The following ATP5MC2 variants were observed in gnomAD, a reference collection of about 807,000 sequenced individuals.
The protein encoded by ATP5MC2 is ATP synthase F(0) complex subunit C2, mitochondrial.
ATP5MC2 carries 11 observed loss-of-function variants against 13.5 expected under a neutral mutation model. The observed-to-expected ratio is 0.81, with a 90% CI of 0.51 to 1.35. The LOEUF (loss-of-function observed/expected upper bound fraction) is 1.35. ATP5MC2 is among the 40% of genes most tolerant of loss of function. The pLI is 0.00. For missense variants in ATP5MC2, 132 were observed against 175.0 expected (o/e 0.75, Z 1.39); for synonymous variants, 64 against 69.7 (o/e 0.92, Z 0.41).
At chr12:53,670,159 C>T (rs1292288958) in intron 2 of ATP5MC2, 1 of 597,694 alleles carries the variant, frequency 1.7e-6, no homozygotes, top group Non-Finnish European at 3.1e-6. Context: ...TCAGACTTTG[C>T]TTTAAGGAAA....
chr12:53,679,142 C>A (rs140996379), upstream of ATP5MC2, among the ~76,000 whole-genome samples: 848 of 151,250 alleles, frequency 5.6e-3, 12 homozygotes, highest in African/African-American at 0.02. Context: ...TTTCTTTGGA[C>A]AAGAAACCAT....
upstream of ATP5MC2, among the ~76,000 whole-genome samples, chr12:53,678,569 T>G (rs1382113951): frequency 6.6e-6 from 1 of 152,146 alleles, no homozygotes; most frequent in East Asian, 1.9e-4. Context: ...TGAGTGGAGA[T>G]CTGAGGGGAG....
At chr12:53,669,539 A>C (rs930953340) in intron 3 of ATP5MC2, among the ~76,000 whole-genome samples, 198 bp from the exon 4 acceptor site, 2 of 152,184 alleles carry the variant, frequency 1.3e-5, no homozygotes, top group African/African-American at 4.8e-5. Flanking sequence ...TGTGGTCAAG[A>C]AGTGTAAGAC....
At chr12:53,678,570 C>G (rs1016141835), upstream of ATP5MC2, among the ~76,000 whole-genome samples, 5 of 152,160 alleles carry the variant, frequency 3.3e-5, no homozygotes, top group Non-Finnish European at 7.3e-5. Context: ...GAGTGGAGAT[C>G]TGAGGGGAGG....
chr12:53,675,255 G>C (rs1277130545), intron 1 of ATP5MC2, among the ~76,000 whole-genome samples: 1 of 152,142 alleles, frequency 6.6e-6, no homozygotes, highest in Non-Finnish European at 1.5e-5. Context: ...ATCTGGGGAG[G>C]TTAATTAATC....
upstream of ATP5MC2, chr12:53,676,254 A>C (rs1945271852): frequency 6.3e-7 from 1 of 1,581,964 alleles, no homozygotes. Flanking sequence ...GGCGTTCGAG[A>C]GGAGAAACTA....
Position 53,669,310 on chromosome 12 carries a change from A to G in ATP5MC2, c.149T>C (p.Leu50Pro), listed in dbSNP as rs763981000. 27 of 1,613,854 alleles carry G rather than the reference A, an allele frequency of 1.7e-5. No homozygotes were observed. The Admixed American group carries it at 4.5e-4, about 27-fold the overall frequency. ...SLSSLAVSCP[L>P]TSLVSSRSFQ... ...GCTGCGGCTAGAGACAAGTGAGGTA[A>G]GGGGACATGAGACTGCCAAGCTGCT... The change falls in exon 4 of 5, where the codon CTT (leucine) becomes CCT (proline). Residue 50 changes from leucine (L) to proline (P), a missense_variant. Coordinates refer to ENST00000394349, the MANE Select transcript of ATP5MC2 (RefSeq NM_005176.7).
chr12:53,670,021 G>T, intron 2 of ATP5MC2, 73 bp from the exon 3 acceptor site: 1 of 1,376,086 alleles, frequency 7.3e-7, no homozygotes, highest in Non-Finnish European at 1.0e-6. Context: ...ATGCCACGTT[G>T]TTACATCATC....
intron 3 of ATP5MC2, 108 bp downstream of exon 3, chr12:53,669,763 A>AT: frequency 8.3e-7 from 1 of 1,210,896 alleles, no homozygotes; most frequent in Non-Finnish European, 1.2e-6. Context: ...CCATTCATGA[A>AT]TTTTAGCCTG....
upstream of ATP5MC2, chr12:53,676,660 C>G (rs1217733395): frequency 5.4e-6 from 1 of 184,634 alleles, no homozygotes; most frequent in African/African-American, 2.4e-5. Context: ...GAAGCAGCAT[C>G]AGCGAGCCAG....
At chr12:53,672,530 C>A (rs372754504) in intron 2 of ATP5MC2, 46 bp downstream of exon 2, 6 of 1,513,428 alleles carry the variant, frequency 4.0e-6, no homozygotes, top group Non-Finnish European at 5.4e-6. Context: ...AAGAGAGAGA[C>A]AAGATGTCTC....
At position 53,671,871 on chromosome 12, in the gene ATP5MC2, G is replaced by A. The variant is rs370260477; in HGVS notation, c.39+705C>T. On this transcript the variant is annotated intron_variant, in intron 2 of 4. Transcript: ENST00000394349. ...ACATGGAGAAACCCTGTCTCTACTC[G>A]GATCACGAGGTCAGGAGTTTGAGAC... 2.3e-3 allele frequency among the ~76,000 whole-genome samples: 345 copies of A among 151,814 alleles called. 8 individuals are homozygous for A. In the South Asian group the frequency reaches 0.051, roughly 23 times the overall value.
At chr12:53,665,679 T>C (rs948736486) in intron 4 of ATP5MC2, among the ~76,000 whole-genome samples, 1 of 152,146 alleles carries the variant, frequency 6.6e-6, no homozygotes, top group Non-Finnish European at 1.5e-5. Flanking sequence ...CCTTCACTAA[T>C]GGTTCACCCA....
At chr12:53,677,710 G>T (rs1402374125), upstream of ATP5MC2, among the ~76,000 whole-genome samples, 8 of 152,136 alleles carry the variant, frequency 5.3e-5, no homozygotes, top group African/African-American at 1.9e-4. Flanking sequence ...TGTTGATTGC[G>T]CCCCGAGCGG....
upstream of ATP5MC2, among the ~76,000 whole-genome samples, chr12:53,678,370 CCACCATCAT>C (rs150228334): frequency 0.14 from 21,522 of 152,002 alleles, 1,879 homozygotes; most frequent in East Asian, 0.34. Context: ...ACCACCATCA[CCACCATCAT>C]CACCATCATC....
chr12:53,676,160 A>G, upstream of ATP5MC2: 1 of 1,614,216 alleles, frequency 6.2e-7, no homozygotes, highest in Non-Finnish European at 8.5e-7. Flanking sequence ...CCACGGATAG[A>G]GTGATTGCAA....
At chr12:53,669,529 T>C (rs868507800) in intron 3 of ATP5MC2, among the ~76,000 whole-genome samples, 188 bp from the exon 4 acceptor site, 1 of 152,286 alleles carries the variant, frequency 6.6e-6, no homozygotes, top group African/African-American at 2.4e-5. Context: ...AAGATTCAGG[T>C]GTGGTCAAGA....
In ATP5MC2 at chr12:53,676,064, G is replaced by T; in HGVS notation, c.-43C>A. On this transcript the variant is annotated 5_prime_UTR_variant, in exon 1 of 5. Coordinates refer to ENST00000394349, the MANE Select transcript of ATP5MC2 (RefSeq NM_005176.7). The stretch of plus-strand genomic sequence containing the variant: ...TCCCAAGGCCTTACCTGCTCCCACT[G>T]CAGAGAAGACAGAGAGGGGCGGAGC... The T allele has an allele frequency of 6.2e-7, 1 of 1,614,056 alleles. No homozygotes were observed. Among genetic ancestry groups the T allele is most frequent in the Non-Finnish European group, 8.5e-7 (1 of 1,179,998 alleles).
chr12:53,667,956 C>CAAATATATATAT (rs1390194186), intron 4 of ATP5MC2, among the ~76,000 whole-genome samples: 1 of 67,364 alleles, frequency 1.5e-5, no homozygotes, highest in East Asian at 5.3e-4. Flanking sequence ...CATACACACA[C>CAAATATATATAT]ATATATATAT....
Sources: gnomAD v4.1 joint callset for allele counts (sites outside exome capture counted in the v4.1 genomes callset) on GRCh38, gnomAD v4.1.1 for gene constraint, MANE v1.5 for transcripts, NCBI Gene and HGNC (gene_info 2026-07-23, HGNC 2026-07-21) for gene names.